CCDC7: variants seen among roughly 807,000 people sequenced by gnomAD.
CCDC7 encodes coiled-coil domain containing 7.
CCDC7 carries 183 observed loss-of-function variants against 196.9 expected under a neutral mutation model. The observed-to-expected ratio is 0.93, with a 90% CI of 0.82 to 1.05. The LOEUF is 1.05. Among genes scored for constraint, CCDC7 ranks in the 50% least tolerant of loss-of-function variants. CCDC7 has a pLI of 0.00. For missense variants in CCDC7, 1,540 were observed against 1,482.2 expected, an observed-to-expected ratio of 1.04 and a Z score of -0.64; for synonymous variants, 525 against 484.6, an observed-to-expected ratio of 1.08 and a Z score of -1.10.
chr10:32,503,199 TGA>T (rs1215950096), intron 9 of CCDC7, among the ~76,000 whole-genome samples: 1 of 152,170 alleles, frequency 6.6e-6, no homozygotes, highest in Non-Finnish European at 1.5e-5. Flanking sequence ...ATAGAAGTGG[TGA>T]GAGTGGGTAT....
At chr10:32,493,890 T>C (rs1027198718) in intron 9 of CCDC7, among the ~76,000 whole-genome samples, 1 of 152,170 alleles carries the variant, frequency 6.6e-6, no homozygotes, top group Non-Finnish European at 1.5e-5. Flanking sequence ...AATGGTGTTA[T>C]TTGTTTTCTT....
intron 9 of CCDC7, among the ~76,000 whole-genome samples, chr10:32,501,847 C>T (rs2044100350): frequency 6.6e-6 from 1 of 152,198 alleles, no homozygotes; most frequent in South Asian, 2.1e-4. Flanking sequence ...GGCAGTCTGT[C>T]CGTTGTCAGA....
At chr10:32,625,462 A>T (rs1590765885) in intron 18 of CCDC7, among the ~76,000 whole-genome samples, 1 of 151,744 alleles carries the variant, frequency 6.6e-6, no homozygotes, top group South Asian at 2.1e-4. Flanking sequence ...TTATTTTATT[A>T]TACATTGAAA....
intron 25 of CCDC7, among the ~76,000 whole-genome samples, chr10:32,726,417 A>T (rs1417660959): frequency 6.6e-6 from 1 of 152,002 alleles, no homozygotes; most frequent in Non-Finnish European, 1.5e-5. Context: ...TGTGCATACA[A>T]ATTTTTATTG....
At chr10:32,648,661 C>A (rs1236926035) in intron 20 of CCDC7, among the ~76,000 whole-genome samples, 2 of 152,206 alleles carry the variant, frequency 1.3e-5, no homozygotes, top group African/African-American at 4.8e-5. Flanking sequence ...TCCTCCACAA[C>A]CTCGCCAGCA....
At chr10:32,719,922 G>A (rs1051572883) in intron 25 of CCDC7, among the ~76,000 whole-genome samples, 1 of 152,172 alleles carries the variant, frequency 6.6e-6, no homozygotes, top group African/African-American at 2.4e-5. Flanking sequence ...CTGTTGATGG[G>A]AGTGTAAATT....
chr10:32,594,262 C>T (rs560387864), intron 18 of CCDC7, among the ~76,000 whole-genome samples: 8 of 152,178 alleles, frequency 5.3e-5, no homozygotes, highest in Non-Finnish European at 8.8e-5. Context: ...AGAGGTCCTT[C>T]ACAGGCCCTG....
intron 18 of CCDC7, among the ~76,000 whole-genome samples, chr10:32,598,947 C>A (rs544880394): frequency 1.3e-5 from 2 of 152,032 alleles, no homozygotes; most frequent in Non-Finnish European, 2.9e-5. Flanking sequence ...TCATGTTGTT[C>A]AAGTCAAATA....
chr10:32,741,735 G>A (rs938565356), intron 28 of CCDC7, among the ~76,000 whole-genome samples: 7 of 152,000 alleles, frequency 4.6e-5, no homozygotes, highest in African/African-American at 1.7e-4. Flanking sequence ...CTTACAACTG[G>A]TAATGTTTGT....
intron 13 of CCDC7, among the ~76,000 whole-genome samples, chr10:32,554,201 G>A (rs903102115): frequency 2.6e-5 from 4 of 152,178 alleles, no homozygotes; most frequent in Non-Finnish European, 5.9e-5. Flanking sequence ...GTTTCCAGAC[G>A]GTGGGCGAGT....
intron 8 of CCDC7, among the ~76,000 whole-genome samples, chr10:32,487,600 C>T (rs1195213207): frequency 4.6e-5 from 7 of 152,132 alleles, no homozygotes; most frequent in Admixed American, 6.6e-5. Flanking sequence ...TCTGTTTTTT[C>T]CCCATCTTTG....
At chr10:32,564,261 G>T (rs571157918) in intron 13 of CCDC7, among the ~76,000 whole-genome samples, 6,962 of 152,184 alleles carry the variant, frequency 0.046, 534 homozygotes, top group African/African-American at 0.16. Context: ...CAGGGATCTA[G>T]AACTAGAAAT....
intron 28 of CCDC7, among the ~76,000 whole-genome samples, chr10:32,756,570 C>T (rs1592401048): frequency 6.6e-6 from 1 of 152,144 alleles, no homozygotes; most frequent in African/African-American, 2.4e-5. Context: ...TTTGTCACCA[C>T]CAGGCCTGCC....
At chr10:32,857,583 T>A (rs554675905) in intron 41 of CCDC7, among the ~76,000 whole-genome samples, 2 of 152,060 alleles carry the variant, frequency 1.3e-5, no homozygotes, top group Admixed American at 1.3e-4. Flanking sequence ...TATTGACAAA[T>A]GACAATAGAA....
At chr10:32,662,736 A>G (rs2071767381) in intron 20 of CCDC7, among the ~76,000 whole-genome samples, 2 of 152,126 alleles carry the variant, frequency 1.3e-5, no homozygotes, top group Admixed American at 6.6e-5. Flanking sequence ...TGGCATGGAA[A>G]TTTTTCAGTT....
upstream of CCDC7, among the ~76,000 whole-genome samples, chr10:32,448,636 G>C (rs971571717): frequency 2.0e-5 from 3 of 151,712 alleles, no homozygotes; most frequent in African/African-American, 7.3e-5. Context: ...GTGCTAACAG[G>C]ATACCATCAA....
intron 28 of CCDC7, among the ~76,000 whole-genome samples, chr10:32,758,547 A>C (rs1000064985): frequency 3.3e-5 from 5 of 152,106 alleles, no homozygotes; most frequent in Non-Finnish European, 5.9e-5. Flanking sequence ...AAAATTCAAC[A>C]CCCCTTCTTG....
intron 28 of CCDC7, among the ~76,000 whole-genome samples, chr10:32,757,046 A>G (rs1462643506): frequency 6.6e-6 from 1 of 152,210 alleles, no homozygotes; most frequent in Non-Finnish European, 1.5e-5. Context: ...CAACAAGAAG[A>G]GCTAACTATC....
chr10:32,756,740 T>A (rs2076523099), intron 28 of CCDC7, among the ~76,000 whole-genome samples: 2 of 152,144 alleles, frequency 1.3e-5, no homozygotes, highest in Admixed American at 1.3e-4. Context: ...AGGATCAAAT[T>A]CACACATAAC....
Sources: gnomAD v4.1 joint callset for allele counts (sites outside exome capture counted in the v4.1 genomes callset) on GRCh38, gnomAD v4.1.1 for gene constraint, MANE v1.5 for transcripts, NCBI Gene and HGNC (gene_info 2026-07-23, HGNC 2026-07-21) for gene names.